The following RNF150 variants were observed in gnomAD, a reference collection of about 807,000 sequenced individuals.
The protein encoded by RNF150 is ring finger protein 150.
A neutral mutation model predicts 39.3 loss-of-function variants in RNF150; 24 were observed. The observed-to-expected ratio is 0.61, with a 90% confidence interval of 0.44 to 0.86. RNF150 has a LOEUF of 0.86. Among genes scored for constraint, RNF150 ranks in the 40% least tolerant of loss-of-function variants. The pLI is 0.00. For synonymous variants in RNF150, 255 were observed against 227.3 expected (o/e 1.12, Z -1.10); for missense variants, 502 against 587.8 (o/e 0.85, Z 1.51).
chr4:140,965,580 C>A (rs186544452), intron 2 of RNF150, among the ~76,000 whole-genome samples: 2 of 152,122 alleles, frequency 1.3e-5, no homozygotes, highest in Non-Finnish European at 1.5e-5. Context: ...TTATTCTCAA[C>A]AAGGGATATC....
At chr4:141,206,658 C>T (rs1009684574) in intron 1 of RNF150, among the ~76,000 whole-genome samples, 3 of 151,950 alleles carry the variant, frequency 2.0e-5, no homozygotes, top group Non-Finnish European at 4.4e-5. Context: ...CATGACCTGG[C>T]AAAGGGACTT....
chr4:140,946,472 T>C (rs1470736257), intron 4 of RNF150, among the ~76,000 whole-genome samples: 1 of 152,226 alleles, frequency 6.6e-6, no homozygotes, highest in East Asian at 1.9e-4. Flanking sequence ...TTAAAGTCTC[T>C]AAGAATTTTT....
chr4:140,896,813 T>TA (rs1729977218), intron 6 of RNF150, among the ~76,000 whole-genome samples: 2 of 152,062 alleles, frequency 1.3e-5, no homozygotes, highest in South Asian at 4.2e-4. Flanking sequence ...GCTAAAAATG[T>TA]AAGAGAATGC....
At chr4:140,983,865 G>C (rs1002421705) in intron 1 of RNF150, among the ~76,000 whole-genome samples, 11 of 151,094 alleles carry the variant, frequency 7.3e-5, no homozygotes, top group African/African-American at 2.7e-4. Context: ...TCAGCCTCTC[G>C]AGTAGCTGGG....
chr4:141,190,099 G>A (rs1350907294), intron 1 of RNF150, among the ~76,000 whole-genome samples: 1 of 152,110 alleles, frequency 6.6e-6, no homozygotes, highest in Non-Finnish European at 1.5e-5. Flanking sequence ...CTGGCCCCTT[G>A]CACTTCCTGG....
chr4:141,020,899 G>A (rs943981488), intron 1 of RNF150, among the ~76,000 whole-genome samples: 7 of 152,182 alleles, frequency 4.6e-5, no homozygotes, highest in African/African-American at 1.7e-4. Flanking sequence ...TGGTTAGGCT[G>A]TGTGAAGGAG....
intron 1 of RNF150, among the ~76,000 whole-genome samples, chr4:141,078,089 A>AT (rs890320867): frequency 4.6e-5 from 7 of 152,266 alleles, no homozygotes; most frequent in African/African-American, 1.4e-4. Context: ...TCTGCTCTAA[A>AT]TTTTTTTAAA....
intron 1 of RNF150, among the ~76,000 whole-genome samples, chr4:141,004,694 A>ATC (rs1347765831): frequency 6.6e-6 from 1 of 152,222 alleles, no homozygotes; most frequent in East Asian, 1.9e-4. Flanking sequence ...CTAAAAAATC[A>ATC]TCCCCACTAG....
intron 1 of RNF150, among the ~76,000 whole-genome samples, chr4:141,038,446 T>C (rs374752737): frequency 1.9e-4 from 29 of 152,184 alleles, no homozygotes; most frequent in Middle Eastern, 6.8e-3. Context: ...TCCCAGCACT[T>C]TGGGAGGCCG....
chr4:140,914,875 C>T lies in RNF150; in HGVS notation c.988-3521G>A, dbSNP rs73857132. Among the ~76,000 whole-genome samples, 1,153 of 152,258 alleles carry T rather than the reference C, an allele frequency of 7.6e-3. 18 individuals are homozygous for T. The highest frequency in any genetic ancestry group is 0.026 in the African/African-American group (1,089 of 41,560). On this transcript the variant is annotated intron_variant, in intron 5 of 6. Coordinates refer to ENST00000515673, the MANE Select transcript of RNF150 (RefSeq NM_020724.2). ...TGTAGAGAAATCACTTACAAAATAACAACATCCTCAGTTTCTGACTTTCGA... is the reference window on the plus strand; with the variant it reads ...TGTAGAGAAATCACTTACAAAATAATAACATCCTCAGTTTCTGACTTTCGA...
At chr4:140,939,367 T>C (rs1480137195) in intron 4 of RNF150, among the ~76,000 whole-genome samples, 1 of 152,196 alleles carries the variant, frequency 6.6e-6, no homozygotes, top group Non-Finnish European at 1.5e-5. Context: ...GTAAACAGTA[T>C]AATATATTCT....
intron 1 of RNF150, among the ~76,000 whole-genome samples, chr4:141,035,880 C>A (rs1277505224): frequency 2.0e-5 from 3 of 151,908 alleles, no homozygotes; most frequent in Non-Finnish European, 4.4e-5. Flanking sequence ...AGGCCTGGGG[C>A]GGGGGATTTG....
chr4:141,174,185 T>A (rs1450329909), intron 1 of RNF150, among the ~76,000 whole-genome samples: 1 of 152,224 alleles, frequency 6.6e-6, no homozygotes, highest in Admixed American at 6.5e-5. Flanking sequence ...GACTAAAGGC[T>A]GGGCAAAAAA....
intron 5 of RNF150, among the ~76,000 whole-genome samples, chr4:140,920,031 T>C (rs1185481078): frequency 1.3e-5 from 2 of 152,100 alleles, no homozygotes; most frequent in African/African-American, 4.8e-5. Context: ...TATACAAAAA[T>C]TAATTCAAAA....
intron 6 of RNF150, among the ~76,000 whole-genome samples, chr4:140,898,602 A>T (rs1338601318): frequency 1.3e-5 from 2 of 152,252 alleles, no homozygotes; most frequent in South Asian, 4.1e-4. Context: ...TGGTATACAG[A>T]TGTGCACAGG....
intron 1 of RNF150, among the ~76,000 whole-genome samples, chr4:140,992,900 T>C (rs1451905121): frequency 6.6e-6 from 1 of 152,094 alleles, no homozygotes; most frequent in African/African-American, 2.4e-5. Flanking sequence ...GGACAGCCTC[T>C]TCCTTGTGCT....
chr4:141,029,749 G>C lies in RNF150; in HGVS notation c.485-61876C>G, dbSNP rs1735853143. ...AGTGAAAAGACAACCTATGGAATGT[G>C]AGAAAATATTTGCAAATCATATATT... On this transcript the variant is annotated intron_variant, in intron 1 of 6. Coordinates refer to ENST00000515673, the MANE Select transcript of RNF150 (RefSeq NM_020724.2). 3.9e-5 allele frequency among the ~76,000 whole-genome samples: 6 copies of C among 152,268 alleles called. No homozygotes were observed. The South Asian group carries it at 1.0e-3, about 26-fold the overall frequency.
At chr4:141,123,850 C>A (rs572172845) in intron 1 of RNF150, among the ~76,000 whole-genome samples, 1 of 152,268 alleles carries the variant, frequency 6.6e-6, no homozygotes, top group African/African-American at 2.4e-5. Flanking sequence ...TGGTTTCCAG[C>A]TTCATCCATG....
At chr4:140,938,753 T>G (rs1895756) in intron 4 of RNF150, among the ~76,000 whole-genome samples, 87,989 of 151,966 alleles carry the variant, frequency 0.58, 26,121 homozygotes, top group Non-Finnish European at 0.64. Context: ...CTATTTCTCA[T>G]GTGCTTTACA....
Sources: gnomAD v4.1 joint callset for allele counts (sites outside exome capture counted in the v4.1 genomes callset) on GRCh38, gnomAD v4.1.1 for gene constraint, MANE v1.5 for transcripts, NCBI Gene and HGNC (gene_info 2026-07-23, HGNC 2026-07-21) for gene names.